Variants in XKR3 observed in about 807,000 individuals in gnomAD.
The protein encoded by XKR3 is XK related 3.
Under a neutral mutation model 40.3 loss-of-function variants are expected in XKR3, and 27 were observed. That is an observed-to-expected ratio of 0.67 (90% CI 0.49 to 0.92). XKR3 has a LOEUF of 0.92. Ranked by LOEUF, XKR3 falls within the 40% of genes least tolerant of loss-of-function variation. XKR3 has a pLI of 0.00. For synonymous variants in XKR3, 193 were observed against 195.4 expected (o/e 0.99, Z 0.10); for missense variants, 472 against 537.6 (o/e 0.88, Z 1.21).
At position 16,783,826 on chromosome 22, in the gene XKR3, G is replaced by C. The variant is rs1601837114; in HGVS notation, c.1173C>G (p.Gly391=). The change falls in exon 4 of 4, where the codon GGC becomes GGG. Residue 391 remains glycine (G), a synonymous_variant. Coordinates refer to ENST00000684488, the MANE Select transcript of XKR3 (RefSeq NM_001386955.1). ...QLIISYLLAT[G]FMLLFYQYLY... is the part of the protein sequence containing the mutation. ...AATACTGATAGAAGAGGAGCATAAA[G>C]CCAGTGGCCAATAGGTAGCTTATGA... is the stretch of plus-strand genomic sequence containing the variant. 1.2e-5 allele frequency: 20 copies of C among 1,614,138 alleles called. No homozygotes were observed. Among genetic ancestry groups the C allele is most frequent in the Non-Finnish European group, 1.7e-5 (20 of 1,180,032 alleles).
intron 2 of XKR3, among the ~76,000 whole-genome samples, chr22:16,806,436 G>C (rs1391718185): frequency 1.3e-5 from 2 of 149,080 alleles, no homozygotes; most frequent in East Asian, 3.9e-4. Flanking sequence ...ATTTTATAAT[G>C]CAGATCACAT....
chr22:16,793,705 C>T (rs1439901118), intron 3 of XKR3, among the ~76,000 whole-genome samples: 1 of 152,150 alleles, frequency 6.6e-6, no homozygotes, highest in Non-Finnish European at 1.5e-5. Context: ...ATCAAATTTT[C>T]TGAATATCTA....
chr22:16,818,997 C>T (rs529409657), intron 1 of XKR3, among the ~76,000 whole-genome samples: 1 of 152,022 alleles, frequency 6.6e-6, no homozygotes, highest in Non-Finnish European at 1.5e-5. Flanking sequence ...TTTCCCTATG[C>T]TACAGGTCAG....
chr22:16,794,703 C>T (rs2060133376), intron 3 of XKR3, among the ~76,000 whole-genome samples: 1 of 152,156 alleles, frequency 6.6e-6, no homozygotes, highest in African/African-American at 2.4e-5. Flanking sequence ...ATCACAATCA[C>T]ATATCAATAC....
intron 1 of XKR3, among the ~76,000 whole-genome samples, chr22:16,813,497 C>A (rs533228915): frequency 6.6e-6 from 1 of 151,978 alleles, no homozygotes; most frequent in Non-Finnish European, 1.5e-5. Flanking sequence ...GTAATTTGTC[C>A]AAATTCTTTA....
At chr22:16,786,530 G>A (rs2060091580) in intron 3 of XKR3, among the ~76,000 whole-genome samples, 1 of 152,178 alleles carries the variant, frequency 6.6e-6, no homozygotes, top group Admixed American at 6.5e-5. Context: ...CCTACTGGTT[G>A]ACTGAATAAA....
At chr22:16,797,254 A>G (rs2060145111) in intron 3 of XKR3, among the ~76,000 whole-genome samples, 1 of 152,232 alleles carries the variant, frequency 6.6e-6, no homozygotes, top group Non-Finnish European at 1.5e-5. Context: ...TTAAACACTG[A>G]TAGTGGCAAA....
intron 1 of XKR3, among the ~76,000 whole-genome samples, chr22:16,814,430 T>A (rs1417762287): frequency 6.6e-6 from 1 of 152,180 alleles, no homozygotes; most frequent in Non-Finnish European, 1.5e-5. Flanking sequence ...AAATTTTGAA[T>A]GGAAAGTGTA....
chr22:16,818,127 T>C (rs2060241379), intron 1 of XKR3, among the ~76,000 whole-genome samples: 1 of 152,162 alleles, frequency 6.6e-6, no homozygotes, highest in Non-Finnish European at 1.5e-5. Flanking sequence ...AAAATCACTT[T>C]ATTATAGGTA....
intron 3 of XKR3, among the ~76,000 whole-genome samples, chr22:16,791,408 A>G (rs1286970416): frequency 1.1e-4 from 16 of 152,096 alleles, no homozygotes; most frequent in Admixed American, 6.5e-4. Flanking sequence ...GGAGAATTTT[A>G]TCAAAAGATT....
At chr22:16,789,939 T>C (rs1396985252) in intron 3 of XKR3, among the ~76,000 whole-genome samples, 1 of 151,976 alleles carries the variant, frequency 6.6e-6, no homozygotes, top group Non-Finnish European at 1.5e-5. Flanking sequence ...AAAAACAAAA[T>C]CAGAACCCTA....
chr22:16,793,643 G>A (rs2060129667), intron 3 of XKR3, among the ~76,000 whole-genome samples: 2 of 152,108 alleles, frequency 1.3e-5, no homozygotes, highest in African/African-American at 4.8e-5. Context: ...ACCACCTGGT[G>A]ACCATCAAAT....
At chr22:16,820,161 T>C (rs1163599900) in intron 1 of XKR3, among the ~76,000 whole-genome samples, 1 of 152,150 alleles carries the variant, frequency 6.6e-6, no homozygotes, top group East Asian at 1.9e-4. Context: ...TCAGTGCAGT[T>C]ATCCTACAGA....
At position 16,798,195 on chromosome 22, in the gene XKR3, AAC is replaced by A. The variant is rs1471431007; in HGVS notation, c.589+1574_589+1575del. Among the ~76,000 whole-genome samples the A allele has an allele frequency of 2.5e-3, 355 of 140,756 alleles. 3 individuals carry two copies. Among genetic ancestry groups the A allele is most frequent in the East Asian group, 0.011 (54 of 4,860 alleles). The allele number at this position is 140,756 out of a possible 152,430, so 92.3% of individuals were successfully genotyped here. A position where few individuals can be genotyped will look rare whatever the true frequency, so the allele number is the denominator to read the frequency against. On this transcript the variant is annotated intron_variant, in intron 3 of 3. Coordinates refer to ENST00000684488, the MANE Select transcript of XKR3 (RefSeq NM_001386955.1). ...AACTCCATCTCAAAAAAAAAAAAAC[AAC>A]AACAACAAAAACCCCCACAATTTCA...
At chr22:16,801,424 G>C (rs893847265) in intron 2 of XKR3, among the ~76,000 whole-genome samples, 25 of 152,066 alleles carry the variant, frequency 1.6e-4, no homozygotes, top group African/African-American at 6.0e-4. Context: ...CATGCCTGTA[G>C]GTAGTCCCAG....
intron 1 of XKR3, chr22:16,821,569 G>A (rs546843751): frequency 2.6e-5 from 4 of 151,930 alleles, no homozygotes; most frequent in African/African-American, 7.2e-5. Flanking sequence ...GCAAGATTTC[G>A]AAGGTAAAAA....
At chr22:16,789,404 A>G (rs1298976600) in intron 3 of XKR3, among the ~76,000 whole-genome samples, 1 of 152,152 alleles carries the variant, frequency 6.6e-6, no homozygotes, top group Non-Finnish European at 1.5e-5. Flanking sequence ...AAATAATCCC[A>G]TTTACAATAG....
At chr22:16,812,020 CA>C (rs1426126963) in intron 1 of XKR3, among the ~76,000 whole-genome samples, 3 of 151,824 alleles carry the variant, frequency 2.0e-5, no homozygotes, top group Non-Finnish European at 2.9e-5. Context: ...AAAAACAAAA[CA>C]AACAAAAAAC....
chr22:16,811,481 G>A (rs1169537356), intron 1 of XKR3, among the ~76,000 whole-genome samples: 6 of 151,856 alleles, frequency 4.0e-5, no homozygotes, highest in Non-Finnish European at 7.4e-5. Flanking sequence ...CTTACTATTC[G>A]GTCTTCTTAT....
Sources: gnomAD v4.1 joint callset for allele counts (sites outside exome capture counted in the v4.1 genomes callset) on GRCh38, gnomAD v4.1.1 for gene constraint, MANE v1.5 for transcripts, NCBI Gene and HGNC (gene_info 2026-07-23, HGNC 2026-07-21) for gene names.